CADM2: variants seen among roughly 807,000 people sequenced by gnomAD.
The protein encoded by CADM2 is immunoglobulin superfamily member 4D.
CADM2 carries 12 observed loss-of-function variants against 49.8 expected under a neutral mutation model. That is an observed-to-expected ratio of 0.24 (90% CI 0.15 to 0.39). The LOEUF (loss-of-function observed/expected upper bound fraction) is 0.39. Among genes scored for constraint, CADM2 ranks in the 10% least tolerant of loss-of-function variants. The probability of loss-of-function intolerance (pLI) is 1.00; values close to 1 mark genes in which losing one functional copy is unlikely to be tolerated. For missense variants in CADM2, 378 were observed against 492.3 expected, an observed-to-expected ratio of 0.77 and a Z score of 2.20; for synonymous variants, 214 against 175.4, an observed-to-expected ratio of 1.22 and a Z score of -1.74.
chr3:85,319,090 A>G (rs2044538728), intron 1 of CADM2, among the ~76,000 whole-genome samples: 1 of 152,206 alleles, frequency 6.6e-6, no homozygotes, highest in African/African-American at 2.4e-5. Flanking sequence ...AAGGTAAAAA[A>G]GAAAAATTAG....
At chr3:85,385,940 T>C (rs1436255828) in intron 1 of CADM2, 4 of 152,072 alleles carry the variant, frequency 2.6e-5, no homozygotes, top group African/African-American at 9.7e-5. Flanking sequence ...TACATTCATA[T>C]CATGTTTTAA....
chr3:85,254,009 C>T (rs76582909), intron 1 of CADM2, among the ~76,000 whole-genome samples: 5,102 of 152,118 alleles, frequency 0.034, 110 homozygotes, highest in Middle Eastern at 0.058. Flanking sequence ...GTTGAAGGCT[C>T]AGCCCCCAAA....
intron 1 of CADM2, among the ~76,000 whole-genome samples, chr3:85,348,375 T>C (rs932420079): frequency 7.9e-5 from 12 of 152,180 alleles, no homozygotes; most frequent in African/African-American, 2.9e-4. Context: ...AAAACGCTTT[T>C]ACAGAAACAC....
chr3:85,985,788 A>T (rs1341162117), intron 8 of CADM2, among the ~76,000 whole-genome samples: 1 of 152,100 alleles, frequency 6.6e-6, no homozygotes, highest in Non-Finnish European at 1.5e-5. Flanking sequence ...TTGTAAAAAA[A>T]AATCATATAC....
chr3:85,057,900 C>T (rs2036149196), intron 1 of CADM2, among the ~76,000 whole-genome samples: 1 of 152,128 alleles, frequency 6.6e-6, no homozygotes, highest in African/African-American at 2.4e-5. Context: ...TTTCAGTACA[C>T]TTGCATTTTC....
rs922316690 is a variant in CADM2 at position 85,091,841 on chromosome 3, G to A, written c.61+132173G>A. On this transcript the variant is annotated intron_variant, in intron 1 of 9. Transcript: ENST00000383699. The stretch of plus-strand genomic sequence containing the variant: ...TTTTAGCTGATAAAATATGGTTATA[G>A]TGCTTACTGCAGCCACTGAGTCACA... Among the ~76,000 whole-genome samples the A allele has an allele frequency of 3.3e-5, 5 of 152,050 alleles. 1 individual carries two copies. The highest frequency in any genetic ancestry group is 5.9e-5 in the Non-Finnish European group (4 of 67,980).
At chr3:85,193,532 A>G (rs958010064) in intron 1 of CADM2, among the ~76,000 whole-genome samples, 1 of 152,032 alleles carries the variant, frequency 6.6e-6, no homozygotes, top group East Asian at 1.9e-4. Flanking sequence ...TTTATCAGTG[A>G]TTCACATTAT....
chr3:85,951,705 T>G (rs1488398994), intron 7 of CADM2, among the ~76,000 whole-genome samples: 1 of 151,050 alleles, frequency 6.6e-6, no homozygotes. Flanking sequence ...GCTTTAAAAT[T>G]GCCTTTGTCC....
At chr3:85,633,339 C>G (rs941230398) in intron 1 of CADM2, among the ~76,000 whole-genome samples, 4 of 151,904 alleles carry the variant, frequency 2.6e-5, no homozygotes, top group Admixed American at 1.3e-4. Context: ...CCTGCTTTAG[C>G]AAGTCTAGCT....
Position 85,098,035 on chromosome 3 carries a change from G to T in CADM2, c.61+138367G>T, listed in dbSNP as rs563985107. Among the ~76,000 whole-genome samples the T allele has an allele frequency of 7.6e-4, 116 of 152,228 alleles. 1 individual carries two copies. The South Asian group carries it at 0.017, about 22-fold the overall frequency. On this transcript the variant is annotated intron_variant, in intron 1 of 9. Coordinates refer to ENST00000383699, the MANE Select transcript of CADM2 (RefSeq NM_001167675.2). ...GTAAATAATTAGAGAATGAATTTGT[G>T]TCATAGGAAATGAGACTGGTTCCTA...
chr3:85,962,283 T>A (rs959497570), intron 8 of CADM2, among the ~76,000 whole-genome samples: 2 of 151,976 alleles, frequency 1.3e-5, no homozygotes, highest in Non-Finnish European at 2.9e-5. Flanking sequence ...AAATTACATT[T>A]CCTTTAAGCT....
chr3:85,013,946 G>A (rs1205040769), intron 1 of CADM2, among the ~76,000 whole-genome samples: 1 of 144,346 alleles, frequency 6.9e-6, no homozygotes, highest in African/African-American at 2.5e-5. Flanking sequence ...TAATAATATT[G>A]TATATTATAT....
At chr3:85,516,744 G>A (rs1385315663) in intron 1 of CADM2, among the ~76,000 whole-genome samples, 1 of 151,804 alleles carries the variant, frequency 6.6e-6, no homozygotes, top group Non-Finnish European at 1.5e-5. Flanking sequence ...TTCAACTGGG[G>A]CAAATAATTT....
At chr3:85,346,825 T>A (rs1576389467) in intron 1 of CADM2, among the ~76,000 whole-genome samples, 1 of 152,356 alleles carries the variant, frequency 6.6e-6, no homozygotes, top group East Asian at 1.9e-4. Context: ...ATAGTGTTAA[T>A]ATTTTATCTT....
chr3:85,184,772 C>T (rs1396066477), intron 1 of CADM2, among the ~76,000 whole-genome samples: 3 of 152,018 alleles, frequency 2.0e-5, no homozygotes, highest in Non-Finnish European at 4.4e-5. Context: ...GAGTGCATTG[C>T]TTGTGATAGT....
chr3:85,383,028 A>C lies in CADM2; in HGVS notation c.62-343494A>C, dbSNP rs111596144. Among the ~76,000 whole-genome samples the C allele has an allele frequency of 8.3e-3, 1,266 of 152,234 alleles. 12 individuals carry two copies. The highest frequency in any genetic ancestry group is 0.027 in the African/African-American group (1,118 of 41,526). On this transcript the variant is annotated intron_variant, in intron 1 of 9. Coordinates refer to ENST00000383699, the MANE Select transcript of CADM2 (RefSeq NM_001167675.2). The stretch of plus-strand genomic sequence containing the variant: ...TAACTTAGGAGTACACTACTGTAAC[A>C]ATAGCTGAGTCTCAGCTAATCCCAG...
intron 1 of CADM2, among the ~76,000 whole-genome samples, chr3:84,961,349 T>C (rs939799921): frequency 6.6e-6 from 1 of 152,202 alleles, no homozygotes; most frequent in East Asian, 1.9e-4. Flanking sequence ...AGAGATCTTG[T>C]GTAGAAAATT....
At chr3:85,840,250 C>A (rs745512650) in intron 3 of CADM2, among the ~76,000 whole-genome samples, 40 of 151,766 alleles carry the variant, frequency 2.6e-4, no homozygotes, top group Non-Finnish European at 4.3e-4. Context: ...TCTGTTGCAG[C>A]AAGTTTAATT....
intron 3 of CADM2, among the ~76,000 whole-genome samples, chr3:85,863,542 C>G (rs1270632507): frequency 6.6e-6 from 1 of 152,166 alleles, no homozygotes; most frequent in Non-Finnish European, 1.5e-5. Flanking sequence ...TTCTCTCTGT[C>G]TCACACACTT....
Sources: allele counts gnomAD v4.1 joint callset (sites outside exome capture counted in the v4.1 genomes callset), GRCh38; gene constraint gnomAD v4.1.1; transcripts MANE v1.5; gene names NCBI Gene and HGNC (gene_info 2026-07-23, HGNC 2026-07-21).